The following FAM169A variants were observed in gnomAD, a reference collection of about 807,000 sequenced individuals.
FAM169A encodes the protein family with sequence similarity 169 member A.
Under a neutral mutation model 75.7 loss-of-function variants are expected in FAM169A, and 24 were observed. The observed-to-expected ratio is 0.32, with a 90% CI of 0.23 to 0.45. The LOEUF (loss-of-function observed/expected upper bound fraction) is 0.45, where lower values mean the gene tolerates loss of function less well. Ranked by LOEUF, FAM169A falls within the 20% of genes least tolerant of loss-of-function variation. The probability of loss-of-function intolerance (pLI) is 1.00; values close to 1 mark genes in which losing one functional copy is unlikely to be tolerated. For missense variants in FAM169A, 673 were observed against 784.0 expected (o/e 0.86, Z 1.69); for synonymous variants, 271 against 271.0 (o/e 1.00, Z 0.00).
chr5:74,842,462 G>A (rs1414150114), intron 1 of FAM169A, among the ~76,000 whole-genome samples: 96 of 120,264 alleles, frequency 8.0e-4, no homozygotes, highest in Non-Finnish European at 1.4e-3. Context: ...AAAAATCACT[G>A]AATTGTACGG....
At chr5:74,822,258 A>C (rs1317510484) in intron 5 of FAM169A, among the ~76,000 whole-genome samples, 2 of 152,188 alleles carry the variant, frequency 1.3e-5, no homozygotes, top group African/African-American at 4.8e-5. Flanking sequence ...GATGAGGAAA[A>C]GGAATGCATC....
intron 5 of FAM169A, among the ~76,000 whole-genome samples, chr5:74,829,307 T>C (rs921821542): frequency 1.3e-5 from 2 of 152,220 alleles, no homozygotes; most frequent in African/African-American, 4.8e-5. Context: ...TCAAGTGCTT[T>C]CCTTTAAGTC....
At chr5:74,859,760 A>C (rs949759462) in intron 1 of FAM169A, among the ~76,000 whole-genome samples, 2 of 152,076 alleles carry the variant, frequency 1.3e-5, no homozygotes, top group African/African-American at 4.8e-5. Flanking sequence ...GCTCATGCCT[A>C]TAATCCCAGC....
At chr5:74,851,906 A>G (rs1002652652) in intron 1 of FAM169A, among the ~76,000 whole-genome samples, 5 of 152,244 alleles carry the variant, frequency 3.3e-5, no homozygotes, top group African/African-American at 1.2e-4. Flanking sequence ...GGGATTGGAC[A>G]TAGTAAACCT....
intron 5 of FAM169A, among the ~76,000 whole-genome samples, chr5:74,826,414 A>G (rs1462060126): frequency 6.6e-6 from 1 of 152,202 alleles, no homozygotes; most frequent in Non-Finnish European, 1.5e-5. Flanking sequence ...GCAGGATGAT[A>G]TGGCTGGAGC....
chr5:74,806,461 T>C (rs1746888339), intron 6 of FAM169A, among the ~76,000 whole-genome samples: 1 of 150,378 alleles, frequency 6.6e-6, no homozygotes, highest in Non-Finnish European at 1.5e-5. Flanking sequence ...GGAGAATACC[T>C]CTAGGACATT....
Position 74,831,867 on chromosome 5 carries a change from AG to A in FAM169A, c.490+2558del, listed in dbSNP as rs1443246065. On this transcript the variant is annotated intron_variant, in intron 5 of 12. Coordinates refer to ENST00000687041, the MANE Select transcript of FAM169A (RefSeq NM_001376049.1). Reference sequence around the variant, plus strand: ...ACTAAAAACATTATGAGACACGGACAGATCTCAAGAATTAACCATGACTTGA... The same window carrying A: ...ACTAAAAACATTATGAGACACGGACAATCTCAAGAATTAACCATGACTTGA... Among the ~76,000 whole-genome samples the A allele has an allele frequency of 5.9e-5, 9 of 152,282 alleles. No homozygotes were observed. The South Asian group carries it at 1.2e-3, about 21-fold the overall frequency.
intron 1 of FAM169A, 128 bp downstream of exon 1, chr5:74,866,037 C>G: frequency 3.1e-6 from 1 of 322,400 alleles, no homozygotes; most frequent in Non-Finnish European, 4.5e-6. Flanking sequence ...CCGCAGGGGC[C>G]GCCCACAGCC....
chr5:74,851,347 C>G (rs552510292), intron 1 of FAM169A, among the ~76,000 whole-genome samples: 1 of 152,284 alleles, frequency 6.6e-6, no homozygotes, highest in South Asian at 2.1e-4. Context: ...GACAAAATAT[C>G]AATTTTTAGT....
chr5:74,824,154 T>C (rs927918075), intron 5 of FAM169A, among the ~76,000 whole-genome samples: 1 of 152,186 alleles, frequency 6.6e-6, no homozygotes, highest in African/African-American at 2.4e-5. Flanking sequence ...ATCCCTTCAG[T>C]AGTGGGCTAA....
chr5:74,801,101 G>T, intron 9 of FAM169A, 71 bp from the exon 10 acceptor site: 1 of 1,211,270 alleles, frequency 8.3e-7, no homozygotes, highest in Non-Finnish European at 1.1e-6. Flanking sequence ...AAAATACACA[G>T]AAATGCAAGA....
chr5:74,814,194 A>G (rs1747353581), intron 5 of FAM169A, among the ~76,000 whole-genome samples, 175 bp from the exon 6 acceptor site: 1 of 152,206 alleles, frequency 6.6e-6, no homozygotes, highest in South Asian at 2.1e-4. Context: ...ATTATAATGT[A>G]TAATGTGATA....
chr5:74,859,961 A>G (rs1407534159), intron 1 of FAM169A, among the ~76,000 whole-genome samples: 2 of 152,216 alleles, frequency 1.3e-5, no homozygotes, highest in African/African-American at 2.4e-5. Context: ...ACTGAACTAG[A>G]TACTAAAAGC....
chr5:74,854,239 C>CA (rs1400464583), intron 1 of FAM169A, among the ~76,000 whole-genome samples: 1 of 151,876 alleles, frequency 6.6e-6, no homozygotes, highest in African/African-American at 2.4e-5. Flanking sequence ...ACTAAAAATA[C>CA]AAAAAATTAG....
At chr5:74,862,797 C>T (rs952861297) in intron 1 of FAM169A, among the ~76,000 whole-genome samples, 2 of 152,126 alleles carry the variant, frequency 1.3e-5, no homozygotes, top group African/African-American at 2.4e-5. Context: ...TAAATTTGTT[C>T]CCAACTCGTA....
At chr5:74,795,533 C>G (rs1196822291) in intron 11 of FAM169A, among the ~76,000 whole-genome samples, 1 of 151,904 alleles carries the variant, frequency 6.6e-6, no homozygotes, top group Non-Finnish European at 1.5e-5. Context: ...ATATTTTTTT[C>G]TAGTGTTTAA....
rs776262344 is a variant in FAM169A at position 74,828,410 on chromosome 5, T to A, written c.490+6016A>T. ...CAACTCCAGATTAGCAAGATAAAGG[T>A]TAGATGAAAGATATACCTTCATTTT... On this transcript the variant is annotated intron_variant, in intron 5 of 12. Coordinates refer to ENST00000687041, the MANE Select transcript of FAM169A (RefSeq NM_001376049.1). 8.7e-4 allele frequency among the ~76,000 whole-genome samples: 132 copies of A among 152,172 alleles called. 1 individual carries two copies. The highest frequency in any genetic ancestry group is 9.3e-4 in the Non-Finnish European group (63 of 68,018).
At chr5:74,798,690 T>C (rs1746405307) in intron 10 of FAM169A, among the ~76,000 whole-genome samples, 1 of 152,184 alleles carries the variant, frequency 6.6e-6, no homozygotes, top group African/African-American at 2.4e-5. Flanking sequence ...AGAAATCTTA[T>C]TTTATTATAA....
chr5:74,852,878 T>C (rs908110932), intron 1 of FAM169A, among the ~76,000 whole-genome samples: 2 of 152,160 alleles, frequency 1.3e-5, no homozygotes, highest in Non-Finnish European at 2.9e-5. Context: ...GACAGCTACA[T>C]ATAGGTTGGA....
Sources: allele counts gnomAD v4.1 joint callset (sites outside exome capture counted in the v4.1 genomes callset), GRCh38; gene constraint gnomAD v4.1.1; transcripts MANE v1.5; gene names NCBI Gene and HGNC (gene_info 2026-07-23, HGNC 2026-07-21).